ADCY3: variants seen among roughly 807,000 people sequenced by gnomAD.
The protein encoded by ADCY3 is adenylate cyclase type 3.
In ADCY3, 70 loss-of-function variants were observed where a neutral mutation model predicts 119.4. The observed-to-expected ratio is 0.59, with a 90% CI of 0.48 to 0.72. The LOEUF is 0.72. Among genes scored for constraint, ADCY3 ranks in the 30% least tolerant of loss-of-function variants. ADCY3 has a pLI of 0.00. For missense variants in ADCY3, 1,238 were observed against 1,541.6 expected (o/e 0.80, Z 3.30); for synonymous variants, 672 against 621.4 (o/e 1.08, Z -1.21).
At chr2:24,820,909 A>G (rs1428471708) in intron 20 of ADCY3, 61 bp from the exon 21 acceptor site, 1 of 1,595,540 alleles carries the variant, frequency 6.3e-7, no homozygotes, top group South Asian at 1.1e-5. Context: ...GGGCCTCAGA[A>G]GCCATCTCCT....
At chr2:24,839,806 C>A (rs1670782629) in intron 7 of ADCY3, 67 bp downstream of exon 7, 3 of 1,608,104 alleles carry the variant, frequency 1.9e-6, no homozygotes, top group East Asian at 2.2e-5. Context: ...AGGGTCACAG[C>A]CCTGGGGGAT....
Position 24,919,317 on chromosome 2 carries a change from G to A in ADCY3, c.-197-133C>T. ...ACCCAGGGCCTTCCCTGCCACCCCC[G>A]GCTCACACCACCGCCCACCGCAGGC... is the stretch of plus-strand genomic sequence containing the variant. On this transcript the variant is annotated intron_variant, in intron 1 of 21. Transcript: ENST00000679454. This position sits in a 1 kb window ranked among gnomAD's most constrained non-coding sequence, Gnocchi z 5.5. 1 of 290,688 alleles carries A rather than the reference G, an allele frequency of 3.4e-6. No homozygotes were observed. Among genetic ancestry groups the A allele is most frequent in the East Asian group, 7.8e-5 (1 of 12,742 alleles). The allele number at this position is 290,688 out of a possible 1,614,324, so 18.0% of individuals were successfully genotyped here.
chr2:24,821,025 T>C (rs1471707285), intron 20 of ADCY3, 177 bp from the exon 21 acceptor site: 1 of 917,908 alleles, frequency 1.1e-6, no homozygotes, highest in Admixed American at 3.0e-5. Context: ...TTTATCCGTG[T>C]GCTTGTTAGG....
rs1315613238 is a variant in ADCY3 at position 24,872,843 on chromosome 2, A to G, written c.676-124T>C. The stretch of plus-strand genomic sequence containing the variant: ...CCAAAATCAAACCTCAAGTTGCCCA[A>G]TGTCCAGGGAGGGGCCCAGCACAGC... On this transcript the variant is annotated intron_variant, in intron 2 of 21. Coordinates refer to ENST00000679454, the MANE Select transcript of ADCY3 (RefSeq NM_004036.5). The surrounding 1 kb of genome is among the most constrained non-coding windows in gnomAD (Gnocchi z 4.4). The G allele has an allele frequency of 5.1e-6, 6 of 1,172,826 alleles. No homozygotes were observed. The South Asian group carries it at 7.5e-5, about 15-fold the overall frequency. The allele number at this position is 1,172,826 out of a possible 1,614,324, so 72.7% of individuals were successfully genotyped here.
chr2:24,828,610 G>C lies in ADCY3; in HGVS notation c.2173-449C>G, dbSNP rs537297856. Among the ~76,000 whole-genome samples the C allele has an allele frequency of 1.7e-4, 26 of 152,262 alleles. No individual in the cohort carries two copies. The East Asian group carries it at 3.9e-3, about 23-fold the overall frequency. Reference sequence around the variant, plus strand: ...AGTCTCTGCCCAAATCCTTCCATTGGGGGGATGTTCACTGCCTTCTGGATT... The same window carrying C: ...AGTCTCTGCCCAAATCCTTCCATTGCGGGGATGTTCACTGCCTTCTGGATT... On this transcript the variant is annotated intron_variant, in intron 13 of 21. Transcript: ENST00000679454.
intron 3 of ADCY3, among the ~76,000 whole-genome samples, chr2:24,864,311 A>C (rs1280037492): frequency 6.6e-6 from 1 of 152,076 alleles, no homozygotes; most frequent in Non-Finnish European, 1.5e-5. Flanking sequence ...CAAAACAAAA[A>C]AAGCACATTC....
intron 11 of ADCY3, among the ~76,000 whole-genome samples, chr2:24,832,354 C>T (rs1572827240): frequency 1.3e-5 from 2 of 152,128 alleles, no homozygotes; most frequent in African/African-American, 2.4e-5. Context: ...CCTGCCATGT[C>T]GCTGTGCTGA....
rs755408176 is a variant in ADCY3, at chr2:24,830,723, T to G, written c.2158A>C (p.Asn720His). Reference sequence around the variant, plus strand: ...CAGGAGCTCACCATGTCCACGACATTTGCCATCACCAGGATGAAGATGGCG... The same window carrying G: ...CAGGAGCTCACCATGTCCACGACATGTGCCATCACCAGGATGAAGATGGCG... ...MLAIFILVMA[N>H]VVDMLSCLQY... Residue 720 changes from asparagine (N) to histidine (H), a missense_variant, in exon 13 of 22, where the codon AAT (asparagine) becomes CAT (histidine). Physicochemically the swap from Asn to His is moderately conservative, Grantham distance 68. Coordinates refer to ENST00000679454, the MANE Select transcript of ADCY3 (RefSeq NM_004036.5). The G allele has an allele frequency of 6.2e-7, 1 of 1,613,940 alleles. No individual in the cohort carries two copies. The highest frequency in any genetic ancestry group is 8.5e-7 in the Non-Finnish European group (1 of 1,179,936).
intron 3 of ADCY3, among the ~76,000 whole-genome samples, chr2:24,868,257 T>C (rs1271066178): frequency 6.6e-6 from 1 of 152,176 alleles, no homozygotes; most frequent in Non-Finnish European, 1.5e-5. Context: ...ATATTTTAAA[T>C]TAAACGACAC....
rs188779717 is a variant in ADCY3, at chr2:24,851,087, C to T, written c.826-8703G>A. Among the ~76,000 whole-genome samples the T allele has an allele frequency of 5.1e-4, 78 of 152,244 alleles. 1 individual carries two copies. The highest frequency in any genetic ancestry group is 1.8e-3 in the African/African-American group (75 of 41,532). On this transcript the variant is annotated intron_variant, in intron 3 of 21. Transcript: ENST00000679454. ...AAATAAACATGGAACTTCCTGTTGCCTCCAGCTGTGATCCTATCCCTGACC... is the reference window on the plus strand; with the variant it reads ...AAATAAACATGGAACTTCCTGTTGCTTCCAGCTGTGATCCTATCCCTGACC...
intron 2 of ADCY3, among the ~76,000 whole-genome samples, chr2:24,897,611 G>A (rs1021752092): frequency 6.6e-6 from 1 of 152,210 alleles, no homozygotes; most frequent in Non-Finnish European, 1.5e-5. Flanking sequence ...GATGTCACAT[G>A]TGGCTGGCTG....
chr2:24,877,007 A>G (rs1473787891), intron 2 of ADCY3, among the ~76,000 whole-genome samples: 3 of 151,666 alleles, frequency 2.0e-5, no homozygotes, highest in African/African-American at 7.3e-5. Flanking sequence ...ATCCCATTCT[A>G]CCCAACCTGG....
chr2:24,837,345 T>C (rs527612101), intron 8 of ADCY3, among the ~76,000 whole-genome samples: 11 of 152,284 alleles, frequency 7.2e-5, no homozygotes, highest in African/African-American at 2.6e-4. Context: ...ACCTATTATA[T>C]GTACAAATGG....
intron 11 of ADCY3, among the ~76,000 whole-genome samples, chr2:24,832,502 A>G (rs1669735983): frequency 6.6e-6 from 1 of 152,134 alleles, no homozygotes; most frequent in Non-Finnish European, 1.5e-5. Flanking sequence ...CCTGTTCTCT[A>G]TACCCTCTGC....
intron 21 of ADCY3, chr2:24,820,501 T>C (rs1667453847): frequency 2.1e-6 from 3 of 1,404,224 alleles, no homozygotes; most frequent in South Asian, 1.6e-5. Flanking sequence ...AGGTAGGCCA[T>C]ATGCATCTAG....
At chr2:24,824,908 G>A (rs1668368504) in intron 16 of ADCY3, among the ~76,000 whole-genome samples, 1 of 152,094 alleles carries the variant, frequency 6.6e-6, no homozygotes, top group Admixed American at 6.6e-5. Context: ...AAGAAAAACA[G>A]GAACGTGAAT....
At chr2:24,839,334 C>T (rs1670722573) in intron 7 of ADCY3, among the ~76,000 whole-genome samples, 1 of 152,220 alleles carries the variant, frequency 6.6e-6, no homozygotes, top group South Asian at 2.1e-4. Flanking sequence ...GCCAAGAATC[C>T]TAAATGCCAC....
chr2:24,862,899 G>C (rs11889210), intron 3 of ADCY3, among the ~76,000 whole-genome samples: 1 of 152,048 alleles, frequency 6.6e-6, no homozygotes, highest in African/African-American at 2.4e-5. Context: ...GAGAGTTTGA[G>C]TGTCTATGTG....
chr2:24,827,771 G>A lies in ADCY3; in HGVS notation c.2432+131C>T, dbSNP rs12105415. 2.1e-3 allele frequency: 3,111 copies of A among 1,464,484 alleles called. 55 individuals are homozygous for A. The African/African-American group carries it at 0.036, about 17-fold the overall frequency. 90.7% of individuals were successfully genotyped at this position (1,464,484 alleles called of 1,614,324 possible). ...TACGTCTGTGAGCAGCCAGGAACTG[G>A]TTCTTGAACAAGCCTTTGAGGACCC... On this transcript the variant is annotated intron_variant, in intron 14 of 21. Coordinates refer to ENST00000679454, the MANE Select transcript of ADCY3 (RefSeq NM_004036.5).
Sources: gnomAD v4.1 joint callset for allele counts (sites outside exome capture counted in the v4.1 genomes callset) on GRCh38, gnomAD v4.1.1 for gene constraint, Gnocchi (gnomAD v3.1) non-coding constraint, MANE v1.5 for transcripts, NCBI Gene and HGNC (gene_info 2026-07-23, HGNC 2026-07-21) for gene names.